The following SDK1 variants were observed in gnomAD, a reference collection of about 807,000 sequenced individuals.
The protein encoded by SDK1 is protein sidekick-1.
SDK1 carries 157 observed loss-of-function variants against 245.5 expected under a neutral mutation model. That is an observed-to-expected ratio of 0.64 (90% confidence interval 0.56 to 0.73). The LOEUF (loss-of-function observed/expected upper bound fraction) is 0.73. Ranked by LOEUF, SDK1 falls within the 30% of genes least tolerant of loss-of-function variation. SDK1 has a pLI of 0.00. For synonymous variants in SDK1, 1,647 were observed against 1,278.5 expected (o/e 1.29, Z -6.15); for missense variants, 3,583 against 3,002.3 (o/e 1.19, Z -4.52).
intron 32 of SDK1, among the ~76,000 whole-genome samples, chr7:4,167,849 G>C (rs1331890812): frequency 1.3e-5 from 2 of 152,242 alleles, no homozygotes; most frequent in Admixed American, 1.3e-4. Flanking sequence ...CTTGGGCACA[G>C]GGTTGAGCCT....
At chr7:4,095,174 C>T (rs1220641768) in intron 22 of SDK1, among the ~76,000 whole-genome samples, 1 of 150,312 alleles carries the variant, frequency 6.7e-6, no homozygotes, top group Non-Finnish European at 1.5e-5. Flanking sequence ...CATCTGAGCT[C>T]TTCCTCAGCT....
At chr7:3,703,264 A>G (rs1784789611) in intron 4 of SDK1, among the ~76,000 whole-genome samples, 1 of 152,172 alleles carries the variant, frequency 6.6e-6, no homozygotes. Context: ...CATTCATGTC[A>G]TAGAACACTA....
chr7:3,604,947 T>C (rs547439018), intron 1 of SDK1, among the ~76,000 whole-genome samples: 1 of 152,248 alleles, frequency 6.6e-6, no homozygotes, highest in South Asian at 2.1e-4. Flanking sequence ...AATTCTGTCA[T>C]TCAGTTTCCA....
At chr7:3,530,161 T>C (rs1262547678) in intron 1 of SDK1, among the ~76,000 whole-genome samples, 1 of 152,208 alleles carries the variant, frequency 6.6e-6, no homozygotes, top group Non-Finnish European at 1.5e-5. Context: ...GGACCCATTA[T>C]ATTAGCTCAA....
intron 5 of SDK1, among the ~76,000 whole-genome samples, chr7:3,852,322 G>A (rs1780438005): frequency 1.3e-5 from 2 of 152,056 alleles, no homozygotes; most frequent in East Asian, 1.9e-4. Context: ...GGTAGCTTGT[G>A]TGTTTGGAAG....
At position 4,114,280 on chromosome 7, in the gene SDK1, G is replaced by T; in HGVS notation, c.3823+6G>T. On this transcript the variant is annotated splice_donor_region_variant and intron_variant, in intron 25 of 44. Coordinates refer to ENST00000404826, the MANE Select transcript of SDK1 (RefSeq NM_152744.4). Reference sequence around the variant, plus strand: ...GGGCCGGACGCGGGAGTCAGGTGAGGGGAAGGCGATTCCCATCCTGGAGAC... The same window carrying T: ...GGGCCGGACGCGGGAGTCAGGTGAGTGGAAGGCGATTCCCATCCTGGAGAC... 6.3e-7 allele frequency: 1 copy of T among 1,587,292 alleles called. No homozygotes were observed.
chr7:3,307,409 C>T (rs1002608382), intron 1 of SDK1, among the ~76,000 whole-genome samples: 11 of 152,160 alleles, frequency 7.2e-5, no homozygotes, highest in African/African-American at 2.7e-4. Flanking sequence ...AGTTAGATAC[C>T]TACCTGCCAG....
At chr7:4,151,683 C>A (rs1225138252) in intron 30 of SDK1, among the ~76,000 whole-genome samples, 2 of 152,220 alleles carry the variant, frequency 1.3e-5, no homozygotes, top group African/African-American at 2.4e-5. Flanking sequence ...TGTCTAGCAC[C>A]TGTCATTTTC....
intron 17 of SDK1, among the ~76,000 whole-genome samples, chr7:4,029,469 C>T (rs890590438): frequency 2.6e-5 from 4 of 152,092 alleles, no homozygotes; most frequent in African/African-American, 9.7e-5. Context: ...CCTGGGCCTC[C>T]GAAAGTGCTG....
At chr7:3,909,531 A>C (rs1053237498) in intron 5 of SDK1, among the ~76,000 whole-genome samples, 1 of 152,106 alleles carries the variant, frequency 6.6e-6, no homozygotes, top group Non-Finnish European at 1.5e-5. Context: ...CCTCTCCCAA[A>C]GACAGTAAGC....
chr7:4,234,045 C>T (rs1406450626), intron 41 of SDK1, among the ~76,000 whole-genome samples: 2 of 152,176 alleles, frequency 1.3e-5, no homozygotes, highest in African/African-American at 2.4e-5. Flanking sequence ...TGCCGAGGAG[C>T]ATGTGTGATT....
chr7:3,629,117 C>T (rs939253784), intron 2 of SDK1, among the ~76,000 whole-genome samples: 2 of 151,226 alleles, frequency 1.3e-5, no homozygotes, highest in Admixed American at 6.6e-5. Flanking sequence ...ATGGTGAAAC[C>T]CCGTCTCTAC....
At chr7:3,464,167 C>T (rs1023790617) in intron 1 of SDK1, among the ~76,000 whole-genome samples, 1 of 152,206 alleles carries the variant, frequency 6.6e-6, no homozygotes, top group Non-Finnish European at 1.5e-5. Flanking sequence ...CCTATACATA[C>T]ATGTTCCAAG....
In SDK1 at chr7:3,768,468, G is replaced by C. The variant is rs553435617; in HGVS notation, c.714-52982G>C. Reference sequence around the variant, plus strand: ...AAAGAGCATTTCATTAAATAGACAAGTCTTTATTATTAAGCCCTCAGCATT... The same window carrying C: ...AAAGAGCATTTCATTAAATAGACAACTCTTTATTATTAAGCCCTCAGCATT... On this transcript the variant is annotated intron_variant, in intron 4 of 44. Transcript: ENST00000404826. Among the ~76,000 whole-genome samples, 8 of 152,280 alleles carry C rather than the reference G, an allele frequency of 5.3e-5. No homozygotes were observed. In the South Asian group the frequency reaches 6.2e-4, roughly 12 times the overall value.
chr7:3,392,057 G>T (rs141171356), intron 1 of SDK1, among the ~76,000 whole-genome samples: 1 of 151,704 alleles, frequency 6.6e-6, no homozygotes, highest in East Asian at 1.9e-4. Context: ...AAATGCACCT[G>T]TGTACCACAT....
rs111370432 is a variant in SDK1, at chr7:3,733,618, A to G, written c.714-87832A>G. Among the ~76,000 whole-genome samples the G allele has an allele frequency of 4.1e-3, 619 of 152,216 alleles. 10 individuals are homozygous for G. The highest frequency in any genetic ancestry group is 0.014 in the African/African-American group (574 of 41,538). ...CTCTAGCCCGCGAGTTCCAAAAGCT[A>G]TGTCTGTCTCACTTGGCTTTGTTTT... On this transcript the variant is annotated intron_variant, in intron 4 of 44. Transcript: ENST00000404826.
intron 4 of SDK1, among the ~76,000 whole-genome samples, chr7:3,795,337 A>G (rs1166172028): frequency 1.3e-5 from 2 of 152,046 alleles, no homozygotes; most frequent in East Asian, 1.9e-4. Context: ...GCCCCACGAG[A>G]CTTGGCTTTC....
chr7:4,220,896 C>T (rs1329777815), intron 39 of SDK1, among the ~76,000 whole-genome samples: 6 of 136,212 alleles, frequency 4.4e-5, no homozygotes, highest in South Asian at 2.9e-4. Flanking sequence ...CCCCCCACCC[C>T]GCCTCACCCT....
chr7:4,063,129 A>G (rs1282596849), intron 19 of SDK1, among the ~76,000 whole-genome samples: 5 of 152,184 alleles, frequency 3.3e-5, no homozygotes, highest in Admixed American at 1.3e-4. Flanking sequence ...AAAGGAATAA[A>G]AGGCATCTAA....
Sources: allele counts gnomAD v4.1 joint callset (sites outside exome capture counted in the v4.1 genomes callset), GRCh38; gene constraint gnomAD v4.1.1; transcripts MANE v1.5; gene names NCBI Gene and HGNC (gene_info 2026-07-23, HGNC 2026-07-21).